LARGE1: variants seen among roughly 807,000 people sequenced by gnomAD.
LARGE1 encodes LARGE xylosyl- and glucuronyltransferase 1, also known as xylosyl- and glucuronyltransferase LARGE1.
LARGE1 carries 43 observed loss-of-function variants against 87.6 expected under a neutral mutation model. The ratio of observed to expected loss-of-function variants is 0.49; its 90% CI spans 0.38 to 0.63. The LOEUF (loss-of-function observed/expected upper bound fraction) is 0.63, where lower values mean the gene tolerates loss of function less well. Among genes scored for constraint, LARGE1 ranks in the 30% least tolerant of loss-of-function variants. The probability of loss-of-function intolerance (pLI) is 0.00; values close to 1 mark genes in which losing one functional copy is unlikely to be tolerated. For missense variants in LARGE1, 802 were observed against 1,000.2 expected, an observed-to-expected ratio of 0.80 and a Z score of 2.67; for synonymous variants, 434 against 394.6, an observed-to-expected ratio of 1.10 and a Z score of -1.18.
In LARGE1 at chr22:33,276,908, C is replaced by T. The variant is rs2075921; in HGVS notation, c.2073+152G>A. 0.048 allele frequency: 38,544 copies of T among 796,140 alleles called. 1,737 individuals are homozygous for T. Among genetic ancestry groups the T allele is most frequent in the East Asian group, 0.2 (7,756 of 38,112 alleles). The allele number at this position is 796,140 out of a possible 1,614,324, so 49.3% of individuals were successfully genotyped here. ...TGAGGAAGGAGCAATGGTTTGGGATCAAGAGCCCAAGGATCAGTACTACCA... is the reference window on the plus strand; with the variant it reads ...TGAGGAAGGAGCAATGGTTTGGGATTAAGAGCCCAAGGATCAGTACTACCA... On this transcript the variant is annotated intron_variant, in intron 14 of 14. Transcript: ENST00000397394.
At chr22:33,646,221 G>A (rs1392877974) in intron 3 of LARGE1, among the ~76,000 whole-genome samples, 2 of 152,174 alleles carry the variant, frequency 1.3e-5, no homozygotes, top group African/African-American at 4.8e-5. Flanking sequence ...TAAAGAAAAT[G>A]TGGCACATAT....
intron 7 of LARGE1, among the ~76,000 whole-genome samples, chr22:33,387,904 T>A (rs1418179242): frequency 6.6e-6 from 1 of 152,198 alleles, no homozygotes; most frequent in Non-Finnish European, 1.5e-5. Flanking sequence ...GTTAAAAAAT[T>A]AAAGCATTAC....
chr22:33,298,609 G>C (rs1569026772), intron 12 of LARGE1, among the ~76,000 whole-genome samples: 1 of 152,200 alleles, frequency 6.6e-6, no homozygotes, highest in African/African-American at 2.4e-5. Flanking sequence ...CACTGCTTGA[G>C]CCCAGGAGTT....
At chr22:33,680,945 C>A (rs2081750036) in intron 2 of LARGE1, among the ~76,000 whole-genome samples, 2 of 152,080 alleles carry the variant, frequency 1.3e-5, no homozygotes, top group Admixed American at 6.5e-5. Context: ...TTACTAATAC[C>A]CTCTGCAATC....
At chr22:33,766,373 A>G (rs1157606431) in intron 1 of LARGE1, among the ~76,000 whole-genome samples, 2 of 152,170 alleles carry the variant, frequency 1.3e-5, no homozygotes, top group African/African-American at 4.8e-5. Flanking sequence ...GTCTTAACCA[A>G]TGAAATTTAC....
At chr22:33,812,206 T>C (rs898707565) in intron 1 of LARGE1, among the ~76,000 whole-genome samples, 1 of 152,220 alleles carries the variant, frequency 6.6e-6, no homozygotes, top group Admixed American at 6.5e-5. Flanking sequence ...CAGGAGCACA[T>C]GCCCCAAAGG....
chr22:33,588,935 T>A, intron 5 of LARGE1, among the ~76,000 whole-genome samples: 1 of 152,248 alleles, frequency 6.6e-6, no homozygotes, highest in East Asian at 1.9e-4. Flanking sequence ...AGTGGTGTGT[T>A]GTCTGGACTC....
At chr22:33,695,664 C>T (rs2082220424) in intron 2 of LARGE1, among the ~76,000 whole-genome samples, 2 of 152,140 alleles carry the variant, frequency 1.3e-5, no homozygotes, top group East Asian at 1.9e-4. Flanking sequence ...TAGTCAGCAG[C>T]ACATTACTTC....
At chr22:33,436,368 T>G (rs1357437679) in intron 6 of LARGE1, among the ~76,000 whole-genome samples, 1 of 152,118 alleles carries the variant, frequency 6.6e-6, no homozygotes, top group East Asian at 1.9e-4. Flanking sequence ...TCTTTGGAGG[T>G]CATCCAGCAC....
chr22:33,203,812 A>G (rs1472230415), intron 11 of LARGE1, among the ~76,000 whole-genome samples: 1 of 152,096 alleles, frequency 6.6e-6, no homozygotes, highest in African/African-American at 2.4e-5. Flanking sequence ...GCATCACCTT[A>G]TCTGTGAACC....
At chr22:33,616,823 T>A (rs1265159738) in intron 4 of LARGE1, among the ~76,000 whole-genome samples, 3 of 151,974 alleles carry the variant, frequency 2.0e-5, no homozygotes, top group Admixed American at 1.3e-4. Context: ...GAGGAGGAAA[T>A]GAGTAGTATT....
At chr22:33,075,300 T>C in the LARGE1 span, among the ~76,000 whole-genome samples, 1 of 152,032 alleles carries the variant, frequency 6.6e-6, no homozygotes. Flanking sequence ...CTTCTAACTT[T>C]AGAATAGTTG....
chr22:33,774,136 A>T (rs1266845309), intron 1 of LARGE1, among the ~76,000 whole-genome samples: 5 of 152,162 alleles, frequency 3.3e-5, no homozygotes, highest in African/African-American at 9.7e-5. Context: ...TCAATATGCT[A>T]CTGCTCTTCT....
In LARGE1 at chr22:33,783,497, G is replaced by A. The variant is rs755055430; in HGVS notation, c.-82-21939C>T. The stretch of plus-strand genomic sequence containing the variant: ...GGAGAATCGCTTGAACCTGGGAGGC[G>A]GAGGTTGCAGTGAGCTGAGATCATG... On this transcript the variant is annotated intron_variant, in intron 1 of 14. Transcript: ENST00000397394. Among the ~76,000 whole-genome samples, 38 of 152,164 alleles carry A rather than the reference G, an allele frequency of 2.5e-4. 1 individual carries two copies. Among genetic ancestry groups the A allele is most frequent in the Middle Eastern group, 3.4e-3 (1 of 294 alleles).
intron 5 of LARGE1, among the ~76,000 whole-genome samples, chr22:33,589,742 C>A (rs969599088): frequency 6.6e-6 from 1 of 152,128 alleles, no homozygotes; most frequent in African/African-American, 2.4e-5. Context: ...TGGCCACATT[C>A]CATAAACTTT....
chr22:33,674,203 C>G (rs1457959454), intron 2 of LARGE1, among the ~76,000 whole-genome samples: 1 of 152,176 alleles, frequency 6.6e-6, no homozygotes, highest in East Asian at 1.9e-4. Flanking sequence ...CTCGGCCTCC[C>G]AAAGTGCTGG....
At chr22:33,846,792 G>A (rs2063445416) in intron 1 of LARGE1, among the ~76,000 whole-genome samples, 1 of 152,120 alleles carries the variant, frequency 6.6e-6, no homozygotes, top group Non-Finnish European at 1.5e-5. Context: ...AGGCTTATTA[G>A]GAAGAGGAAA....
intron 2 of LARGE1, among the ~76,000 whole-genome samples, chr22:33,719,855 T>A (rs2149435656): frequency 6.6e-6 from 1 of 152,186 alleles, no homozygotes; most frequent in South Asian, 2.1e-4. Context: ...CTTTTCCATG[T>A]TTAGGTACAC....
At chr22:33,694,997 C>T (rs1220788503) in intron 2 of LARGE1, among the ~76,000 whole-genome samples, 1 of 152,152 alleles carries the variant, frequency 6.6e-6, no homozygotes, top group Non-Finnish European at 1.5e-5. Context: ...CCAGTTATTT[C>T]AGTCTCCTAA....
Sources: gnomAD v4.1 joint callset for allele counts (sites outside exome capture counted in the v4.1 genomes callset) on GRCh38, gnomAD v4.1.1 for gene constraint, MANE v1.5 for transcripts, NCBI Gene and HGNC (gene_info 2026-07-23, HGNC 2026-07-21) for gene names.